The following MYO3B variants were observed in gnomAD, a reference collection of about 807,000 sequenced individuals.
MYO3B encodes myosin-IIIb.
Under a neutral mutation model 174.6 loss-of-function variants are expected in MYO3B, and 156 were observed. The observed-to-expected ratio is 0.89, with a 90% confidence interval of 0.78 to 1.02. The LOEUF is 1.02. MYO3B is among the 50% of genes least tolerant of loss of function. The probability of loss-of-function intolerance (pLI) is 0.00; values close to 1 mark genes in which losing one functional copy is unlikely to be tolerated. For synonymous variants in MYO3B, 563 were observed against 569.1 expected (o/e 0.99, Z 0.15); for missense variants, 1,632 against 1,639.4 (o/e 1.00, Z 0.08).
At chr2:170,614,396 T>C (rs1032440751) in intron 32 of MYO3B, among the ~76,000 whole-genome samples, 1 of 152,154 alleles carries the variant, frequency 6.6e-6, no homozygotes, top group Non-Finnish European at 1.5e-5. Flanking sequence ...TCCTGGGCTC[T>C]CTTTGGAGTA....
At chr2:170,313,872 A>G (rs1169276896) in intron 7 of MYO3B, among the ~76,000 whole-genome samples, 6 of 152,158 alleles carry the variant, frequency 3.9e-5, no homozygotes, top group African/African-American at 1.2e-4. Flanking sequence ...ACAGACACAC[A>G]CACACAGCTC....
intron 32 of MYO3B, among the ~76,000 whole-genome samples, chr2:170,599,220 A>C (rs1022806737): frequency 9.9e-5 from 15 of 152,214 alleles, no homozygotes; most frequent in African/African-American, 3.6e-4. Context: ...GGACTACATC[A>C]AGCTAAAGCA....
intron 32 of MYO3B, among the ~76,000 whole-genome samples, chr2:170,583,619 A>G (rs897984184): frequency 1.2e-4 from 19 of 152,304 alleles, no homozygotes; most frequent in Admixed American, 9.8e-4. Context: ...ACAACAGCAA[A>G]TATTTCTTGA....
At chr2:170,271,582 G>A (rs887057856) in intron 7 of MYO3B, among the ~76,000 whole-genome samples, 1 of 152,178 alleles carries the variant, frequency 6.6e-6, no homozygotes, top group African/African-American at 2.4e-5. Flanking sequence ...ATCTGGCCCA[G>A]TGCATAGAGT....
chr2:170,289,641 T>A (rs1347724683), intron 7 of MYO3B, among the ~76,000 whole-genome samples: 1 of 152,076 alleles, frequency 6.6e-6, no homozygotes, highest in African/African-American at 2.4e-5. Context: ...TTTTTATCTT[T>A]TCAAAAACAA....
chr2:170,467,899 T>C (rs1684745471), intron 25 of MYO3B, among the ~76,000 whole-genome samples: 1 of 151,862 alleles, frequency 6.6e-6, no homozygotes, highest in Admixed American at 6.6e-5. Flanking sequence ...TAAGTGTCTT[T>C]GAGCTCCTTT....
chr2:170,378,530 A>G (rs569901753), intron 9 of MYO3B, among the ~76,000 whole-genome samples: 1 of 152,284 alleles, frequency 6.6e-6, no homozygotes, highest in South Asian at 2.1e-4. Flanking sequence ...TGTTAATACA[A>G]TATTATTGGG....
chr2:170,610,685 G>A (rs558936495), intron 32 of MYO3B, among the ~76,000 whole-genome samples: 1 of 152,264 alleles, frequency 6.6e-6, no homozygotes, highest in South Asian at 2.1e-4. Flanking sequence ...TATTACTAAA[G>A]CATACCCAGG....
intron 3 of MYO3B, among the ~76,000 whole-genome samples, chr2:170,201,188 G>A (rs533792826): frequency 4.1e-4 from 62 of 152,246 alleles, no homozygotes; most frequent in African/African-American, 1.3e-3. Context: ...AGTCAATTCC[G>A]AACAAATACG....
chr2:170,647,062 T>G (rs1698440827), intron 32 of MYO3B: 1 of 427,744 alleles, frequency 2.3e-6, no homozygotes. Flanking sequence ...CACTAACGTC[T>G]TCTTATACAG....
At chr2:170,464,057 A>G (rs1477613098) in intron 24 of MYO3B, among the ~76,000 whole-genome samples, 1 of 152,224 alleles carries the variant, frequency 6.6e-6, no homozygotes, top group Non-Finnish European at 1.5e-5. Flanking sequence ...GTTTCACAAT[A>G]GAAATACTGT....
intron 6 of MYO3B, among the ~76,000 whole-genome samples, chr2:170,230,100 A>G (rs1036639256): frequency 1.7e-4 from 26 of 151,916 alleles, no homozygotes; most frequent in African/African-American, 6.3e-4. Flanking sequence ...AATAACATTT[A>G]TCGATTATAC....
At chr2:170,586,704 T>C (rs888104929) in intron 32 of MYO3B, among the ~76,000 whole-genome samples, 2 of 152,190 alleles carry the variant, frequency 1.3e-5, no homozygotes, top group African/African-American at 4.8e-5. Context: ...TGGTAGAAGT[T>C]TTCGTTTTAG....
intron 30 of MYO3B, among the ~76,000 whole-genome samples, chr2:170,529,854 A>C (rs371616212): frequency 1.3e-5 from 2 of 152,250 alleles, no homozygotes; most frequent in East Asian, 1.9e-4. Context: ...ATGTTGAAAG[A>C]AGATTAACTT....
rs568959825 is a variant in MYO3B, at chr2:170,635,469, G to T, written c.3734-16159G>T. On this transcript the variant is annotated intron_variant, in intron 32 of 34. Transcript: ENST00000408978. ...ACACACCAGGGGCCTGTCGTGGGGTGGGGGGAGCGGGGGAGGGATAGCATT... is the reference window on the plus strand; with the variant it reads ...ACACACCAGGGGCCTGTCGTGGGGTTGGGGGAGCGGGGGAGGGATAGCATT... Among the ~76,000 whole-genome samples the T allele has an allele frequency of 1.8e-4, 28 of 152,218 alleles. No individual in the cohort carries two copies. The East Asian group carries it at 2.9e-3, about 16-fold the overall frequency.
intron 32 of MYO3B, among the ~76,000 whole-genome samples, chr2:170,550,534 C>A (rs1690808523): frequency 6.6e-6 from 1 of 152,218 alleles, no homozygotes. Context: ...CTCTGTGACA[C>A]AACATTGAAT....
chr2:170,444,860 A>G (rs1182259055), intron 23 of MYO3B, among the ~76,000 whole-genome samples: 2 of 152,196 alleles, frequency 1.3e-5, no homozygotes, highest in Non-Finnish European at 2.9e-5. Flanking sequence ...ACGGCAAAAC[A>G]TTAGTACTAT....
intron 7 of MYO3B, among the ~76,000 whole-genome samples, chr2:170,249,034 C>T (rs913647684): frequency 6.6e-6 from 1 of 152,210 alleles, no homozygotes; most frequent in Non-Finnish European, 1.5e-5. Flanking sequence ...TCTTTGGCCA[C>T]GTTTACTGCC....
chr2:170,254,473 G>T (rs1372605080), intron 7 of MYO3B, among the ~76,000 whole-genome samples: 1 of 152,098 alleles, frequency 6.6e-6, no homozygotes, highest in Admixed American at 6.6e-5. Flanking sequence ...GTGTCTGCTG[G>T]CCCCTCCCAA....
Sources: gnomAD v4.1 joint callset for allele counts (sites outside exome capture counted in the v4.1 genomes callset) on GRCh38, gnomAD v4.1.1 for gene constraint, MANE v1.5 for transcripts, NCBI Gene and HGNC (gene_info 2026-07-23, HGNC 2026-07-21) for gene names.